USP34: variants seen among roughly 807,000 people sequenced by gnomAD.
USP34 encodes ubiquitin carboxyl-terminal hydrolase 34.
In USP34, 70 loss-of-function variants were observed where a neutral mutation model predicts 460.3. That is an observed-to-expected ratio of 0.15 (90% CI 0.13 to 0.19). The LOEUF (loss-of-function observed/expected upper bound fraction) is 0.19, where lower values mean the gene tolerates loss of function less well. USP34 is among the 10% of genes least tolerant of loss of function. USP34 has a pLI of 1.00. For synonymous variants in USP34, 1,647 were observed against 1,405.3 expected (o/e 1.17, Z -3.85); for missense variants, 3,985 against 4,236.2 (o/e 0.94, Z 1.65).
At chr2:61,239,343 C>G (rs1414080185) in intron 53 of USP34, among the ~76,000 whole-genome samples, 1 of 142,432 alleles carries the variant, frequency 7.0e-6, no homozygotes, top group Non-Finnish European at 1.6e-5. Flanking sequence ...CACACACACA[C>G]ACACACACAG....
chr2:61,219,928 A>G (rs540631553), intron 67 of USP34, among the ~76,000 whole-genome samples: 25 of 152,078 alleles, frequency 1.6e-4, no homozygotes, highest in African/African-American at 5.3e-4. Context: ...GTACAACTTA[A>G]AGTGTTTATA....
At position 61,406,052 on chromosome 2, in the gene USP34, C is replaced by A. The variant is rs1449916983; in HGVS notation, c.208G>T (p.Val70Leu). The A allele has an allele frequency of 1.9e-6, 3 of 1,613,554 alleles. No homozygotes were observed. In the East Asian group the frequency reaches 6.7e-5, roughly 36 times the overall value. The change falls in exon 3 of 80, where the codon GTG becomes TTG. Residue 70 changes from valine (V) to leucine (L), a missense_variant. This residue lies in a region of USP34 where 331 missense variants were observed against 293.7 expected (regional missense o/e 1.13). Coordinates refer to ENST00000398571, the MANE Select transcript of USP34 (RefSeq NM_014709.4). The part of the protein sequence containing the change: ...NQVVCALINL[V>L]IAQVQVLRDQ... ...CGGAGCACTTGAACTTGGGCAATCA[C>A]TAAGTTAATAAGTGCACACACTACT...
intron 3 of USP34, among the ~76,000 whole-genome samples, chr2:61,395,666 G>C (rs1291726596): frequency 6.7e-6 from 1 of 149,198 alleles, no homozygotes; most frequent in Non-Finnish European, 1.5e-5. Context: ...GGCGCCTGTA[G>C]TCCCAGCTAC....
At chr2:61,414,181 G>A (rs1356204112) in intron 2 of USP34, among the ~76,000 whole-genome samples, 1 of 151,910 alleles carries the variant, frequency 6.6e-6, no homozygotes, top group Non-Finnish European at 1.5e-5. Flanking sequence ...CTTGGACCCA[G>A]GAGGCAGAGG....
intron 65 of USP34, among the ~76,000 whole-genome samples, chr2:61,222,232 A>C (rs1687608010): frequency 1.3e-5 from 2 of 152,220 alleles, no homozygotes; most frequent in South Asian, 4.1e-4. Flanking sequence ...TAGCTATAGC[A>C]TTTCCATTTT....
At chr2:61,329,640 T>C (rs939968532) in intron 20 of USP34, among the ~76,000 whole-genome samples, 1 of 152,152 alleles carries the variant, frequency 6.6e-6, no homozygotes, top group African/African-American at 2.4e-5. Flanking sequence ...GATTGGTATT[T>C]TATTTTTTAT....
At chr2:61,316,704 G>C (rs778348160) in intron 23 of USP34, among the ~76,000 whole-genome samples, 13 of 152,044 alleles carry the variant, frequency 8.6e-5, no homozygotes, top group Non-Finnish European at 1.6e-4. Flanking sequence ...CGCCAACATG[G>C]TGAAACCCCA....
rs1028298392 is a variant in USP34 at position 61,347,589 on chromosome 2, G to A, written c.2285+281C>T. 3.3e-5 allele frequency among the ~76,000 whole-genome samples: 5 copies of A among 152,092 alleles called. No individual in the cohort carries two copies. The South Asian group carries it at 8.3e-4, about 25-fold the overall frequency. On this transcript the variant is annotated intron_variant, in intron 15 of 79. Coordinates refer to ENST00000398571, the MANE Select transcript of USP34 (RefSeq NM_014709.4). ...GGGTTTCACCATGTTGTTCAGGCTG[G>A]TCTCAAACTCCTGACCTCAAGTGAT... is the stretch of plus-strand genomic sequence containing the variant.
intron 10 of USP34, among the ~76,000 whole-genome samples, chr2:61,367,305 C>A (rs576820605): frequency 1.3e-5 from 2 of 150,800 alleles, no homozygotes; most frequent in Non-Finnish European, 3.0e-5. Context: ...AGCACGAGTG[C>A]GCGCGCACAC....
chr2:61,326,317 C>T (rs1250010599), intron 20 of USP34, among the ~76,000 whole-genome samples: 7 of 152,110 alleles, frequency 4.6e-5, no homozygotes, highest in Non-Finnish European at 7.4e-5. Context: ...AAGTGATTCT[C>T]GTGCCTTAGC....
chr2:61,217,916 C>G (rs1403469033), intron 67 of USP34, among the ~76,000 whole-genome samples: 1 of 152,028 alleles, frequency 6.6e-6, no homozygotes, highest in Non-Finnish European at 1.5e-5. Context: ...GATCACGCCA[C>G]TACACTCCAG....
At chr2:61,392,990 A>T (rs1186382071) in intron 5 of USP34, among the ~76,000 whole-genome samples, 6 of 152,214 alleles carry the variant, frequency 3.9e-5, no homozygotes, top group Non-Finnish European at 7.3e-5. Flanking sequence ...TTTAGTAACA[A>T]CCGAAGTTAG....
At chr2:61,235,752 G>A in intron 57 of USP34, 93 bp downstream of exon 57, 1 of 1,317,588 alleles carries the variant, frequency 7.6e-7, no homozygotes, top group Non-Finnish European at 1.0e-6. Context: ...CCCTGTGACA[G>A]ATAAAACAAC....
intron 66 of USP34, 85 bp downstream of exon 66, chr2:61,221,417 C>G: frequency 8.1e-7 from 1 of 1,230,686 alleles, no homozygotes; most frequent in South Asian, 1.6e-5. Context: ...TAATAAGAAA[C>G]TGGTACTTAA....
At chr2:61,340,865 T>A (rs1691576616) in intron 16 of USP34, among the ~76,000 whole-genome samples, 1 of 151,764 alleles carries the variant, frequency 6.6e-6, no homozygotes, top group South Asian at 2.1e-4. Flanking sequence ...TGTCTTTTTT[T>A]TTTTTTTTTG....
At position 61,192,964 on chromosome 2, in the gene USP34, A is replaced by G; in HGVS notation, c.9525T>C (p.Tyr3175=). 6.2e-7 allele frequency: 1 copy of G among 1,613,896 alleles called. No individual in the cohort carries two copies. The highest frequency in any genetic ancestry group is 8.5e-7 in the Non-Finnish European group (1 of 1,179,832). Residue 3175 remains tyrosine (Y), a synonymous_variant, in exon 76 of 80, where the codon TAT becomes TAC. Coordinates refer to ENST00000398571, the MANE Select transcript of USP34 (RefSeq NM_014709.4). Reference sequence around the variant, plus strand: ...GTGCAAGATGAAGTGGCAAACCTTCATAGGCAACTAGGACACCTAATATTT... The same window carrying G: ...GTGCAAGATGAAGTGGCAAACCTTCGTAGGCAACTAGGACACCTAATATTT... The part of the protein sequence containing the change: ...TLVKLSVLVA[Y]EGLPLHLALF...
chr2:61,337,093 A>C (rs1009971826), intron 18 of USP34, among the ~76,000 whole-genome samples: 1 of 152,154 alleles, frequency 6.6e-6, no homozygotes, highest in Non-Finnish European at 1.5e-5. Context: ...TACTGAGGTA[A>C]ACACATCTAT....
At chr2:61,419,191 T>C (rs1035312641) in intron 2 of USP34, among the ~76,000 whole-genome samples, 13 of 152,038 alleles carry the variant, frequency 8.6e-5, no homozygotes, top group Non-Finnish European at 1.9e-4. Context: ...AAGGCCACTT[T>C]TTTTTTTTAA....
At chr2:61,296,773 G>A in intron 30 of USP34, 27 bp downstream of exon 30, 1 of 1,604,508 alleles carries the variant, frequency 6.2e-7, no homozygotes, top group Non-Finnish European at 8.5e-7. Context: ...CAGCCTCTAG[G>A]AGAGTAAAGA....
Sources: allele counts gnomAD v4.1 joint callset (sites outside exome capture counted in the v4.1 genomes callset), GRCh38; gene constraint gnomAD v4.1.1; regional missense constraint gnomAD v4.1.1; transcripts MANE v1.5; gene names NCBI Gene and HGNC (gene_info 2026-07-23, HGNC 2026-07-21).